The following SEC24B variants were observed in gnomAD, a reference collection of about 807,000 sequenced individuals.
SEC24B encodes SEC24 homolog B, COPII component.
Under a neutral mutation model 142.8 loss-of-function variants are expected in SEC24B, and 45 were observed. The observed-to-expected ratio is 0.32, with a 90% CI of 0.25 to 0.40. The LOEUF is 0.40. Ranked by LOEUF, SEC24B falls within the 10% of genes least tolerant of loss-of-function variation. SEC24B has a pLI of 1.00. For synonymous variants in SEC24B, 574 were observed against 568.2 expected, an observed-to-expected ratio of 1.01 and a Z score of -0.15; for missense variants, 1,409 against 1,526.8, an observed-to-expected ratio of 0.92 and a Z score of 1.29.
At chr4:109,488,825 G>T in intron 4 of SEC24B, 1 of 166,974 alleles carries the variant, frequency 6.0e-6, no homozygotes. Context: ...TTATCTCGTT[G>T]TTTTGATTTT....
intron 5 of SEC24B, among the ~76,000 whole-genome samples, chr4:109,493,191 T>C (rs896514233): frequency 1.3e-5 from 2 of 152,106 alleles, no homozygotes; most frequent in Non-Finnish European, 2.9e-5. Context: ...GCCAGTAAGC[T>C]GATCCTTGCC....
rs1724231017 is a variant in SEC24B at position 109,526,393 on chromosome 4, A to G, written c.2959A>G (p.Ser987Gly). 1 of 1,604,452 alleles carries G rather than the reference A, an allele frequency of 6.2e-7. No individual in the cohort carries two copies. Among genetic ancestry groups the G allele is most frequent in the South Asian group, 1.1e-5 (1 of 90,072 alleles). The change falls in exon 17 of 24, where the codon AGC becomes GGC. Residue 987 changes from serine (S) to glycine (G), a missense_variant. By Grantham distance (56) the Ser-to-Gly change is moderately conservative. Around this residue, in one of 2 missense-constraint regions of SEC24B, gnomAD observed 700 missense variants for 853.3 expected, o/e 0.82. Transcript: ENST00000265175. The part of the protein sequence containing the change: ...CFQTALLYTS[S>G]KGERRIRVHT... Reference sequence around the variant, plus strand: ...TCAAACAGCCCTATTATATACATCAAGCAAAGGTAATGTTAACAGAAATGA... The same window carrying G: ...TCAAACAGCCCTATTATATACATCAGGCAAAGGTAATGTTAACAGAAATGA...
At chr4:109,488,277 C>T (rs1021542711) in intron 4 of SEC24B, among the ~76,000 whole-genome samples, 14 of 152,114 alleles carry the variant, frequency 9.2e-5, no homozygotes, top group African/African-American at 3.1e-4. Flanking sequence ...CTACCCTCCC[C>T]GCACAACCAC....
chr4:109,464,540 A>G (rs917779425), intron 2 of SEC24B, among the ~76,000 whole-genome samples: 1 of 152,152 alleles, frequency 6.6e-6, no homozygotes, highest in Admixed American at 6.5e-5. Flanking sequence ...TTTTAAGTGC[A>G]GTGTTTCCTT....
intron 6 of SEC24B, among the ~76,000 whole-genome samples, chr4:109,503,771 A>G (rs1352959234): frequency 6.6e-6 from 1 of 151,808 alleles, no homozygotes; most frequent in African/African-American, 2.4e-5. Context: ...TTCTTTGATG[A>G]TTTTGGTTTT....
intron 1 of SEC24B, among the ~76,000 whole-genome samples, chr4:109,442,505 A>G (rs1729029135): frequency 6.6e-6 from 1 of 152,188 alleles, no homozygotes; most frequent in Non-Finnish European, 1.5e-5. Flanking sequence ...TTCTACCTCA[A>G]AGTTAGTATG....
chr4:109,480,701 G>C (rs964304950), intron 3 of SEC24B, among the ~76,000 whole-genome samples: 1 of 152,062 alleles, frequency 6.6e-6, no homozygotes, highest in Non-Finnish European at 1.5e-5. Flanking sequence ...GGATGGTCTC[G>C]ATCTCTTAAC....
chr4:109,459,233 C>T (rs1028287017), intron 1 of SEC24B, among the ~76,000 whole-genome samples: 1 of 152,078 alleles, frequency 6.6e-6, no homozygotes, highest in Admixed American at 6.6e-5. Context: ...ACACTGAGGG[C>T]AGAAAATTTA....
rs139064593 is a variant in SEC24B at position 109,494,741 on chromosome 4, C to T, written c.1373C>T (p.Pro458Leu). The T allele has an allele frequency of 6.2e-7, 1 of 1,614,212 alleles. No homozygotes were observed. Among genetic ancestry groups the T allele is most frequent in the Non-Finnish European group, 8.5e-7 (1 of 1,180,036 alleles). Residue 458 changes from proline (P) to leucine (L), a missense_variant, in exon 6 of 24, where the codon CCT becomes CTT. Around this residue, in one of 2 missense-constraint regions of SEC24B, gnomAD observed 709 missense variants for 673.5 expected, o/e 1.05. Transcript: ENST00000265175. ...VVPQPSKMAK[P>L]FGYGYPTLQP... ...CCTCAGCCTTCAAAAATGGCTAAGCCTTTTGGCTATGGCTATCCAACACTT... is the reference window on the plus strand; with the variant it reads ...CCTCAGCCTTCAAAAATGGCTAAGCTTTTTGGCTATGGCTATCCAACACTT...
intron 2 of SEC24B, among the ~76,000 whole-genome samples, chr4:109,470,903 T>C (rs1578828767): frequency 6.6e-6 from 1 of 152,160 alleles, no homozygotes; most frequent in African/African-American, 2.4e-5. Flanking sequence ...GAGATACTTA[T>C]ATGTGTGGTA....
intron 1 of SEC24B, among the ~76,000 whole-genome samples, chr4:109,440,210 A>G (rs1276875416): frequency 3.3e-5 from 5 of 151,620 alleles, no homozygotes; most frequent in Non-Finnish European, 5.9e-5. Context: ...ATTGCTATAT[A>G]TATTGCTTTA....
At chr4:109,450,998 T>C (rs930415324) in intron 1 of SEC24B, 2 of 152,266 alleles carry the variant, frequency 1.3e-5, no homozygotes, top group African/African-American at 4.8e-5. Flanking sequence ...CCAGAACTCA[T>C]GGGCTTAAGG....
Position 109,524,885 on chromosome 4 carries a change from A to C in SEC24B, c.2576A>C (p.Gln859Pro). ...KKLALDCSGQ[Q>P]TAVDLFLLSS... is the part of the protein sequence containing the mutation. ...CTTGCATTAGATTGCTCGGGACAGC[A>C]AACTGCAGTGGATTTGTTCCTTTTA... Residue 859 changes from glutamine to proline, a missense_variant, in exon 15 of 24, where the codon CAA (glutamine) becomes CCA (proline). Physicochemically the swap from Gln to Pro is moderately conservative, Grantham distance 76. Transcript: ENST00000265175. 6.2e-7 allele frequency: 1 copy of C among 1,612,750 alleles called. No homozygotes were observed.
At chr4:109,536,738 C>G (rs1300418317) in intron 22 of SEC24B, among the ~76,000 whole-genome samples, 1 of 151,990 alleles carries the variant, frequency 6.6e-6, no homozygotes, top group Non-Finnish European at 1.5e-5. Context: ...ACTGTGTTAG[C>G]TAGGATGGTC....
chr4:109,482,979 T>TATATAC lies in SEC24B; in HGVS notation c.1165+1199_1165+1200insTATACA, dbSNP rs781527364. 3.4e-3 allele frequency among the ~76,000 whole-genome samples: 90 copies of TATATAC among 26,370 alleles called. 2 individuals carry two copies. The highest frequency in any genetic ancestry group is 5.2e-3 in the Non-Finnish European group (69 of 13,288). The allele number at this position is 26,370 out of a possible 152,430, so 17.3% of individuals were successfully genotyped here. ...ATATATATATATATATATATATATA[T>TATATAC]ACACACACACACACACACACACACA... On this transcript the variant is annotated intron_variant, in intron 4 of 23. Coordinates refer to ENST00000265175, the MANE Select transcript of SEC24B (RefSeq NM_006323.5).
At chr4:109,520,521 G>A (rs757035319) in intron 12 of SEC24B, 37 bp downstream of exon 12, 19 of 1,257,702 alleles carry the variant, frequency 1.5e-5, no homozygotes, top group East Asian at 2.3e-5. Context: ...TTCTAACTAC[G>A]GACTTTGAAA....
At chr4:109,459,203 G>A (rs1037679476) in intron 1 of SEC24B, among the ~76,000 whole-genome samples, 2 of 152,094 alleles carry the variant, frequency 1.3e-5, no homozygotes, top group Non-Finnish European at 2.9e-5. Flanking sequence ...GCAGGTACAC[G>A]AGAAAAGAAT....
intron 10 of SEC24B, among the ~76,000 whole-genome samples, chr4:109,515,291 C>T (rs34861128): frequency 0.1 from 15,120 of 151,912 alleles, 840 homozygotes; most frequent in Middle Eastern, 0.18. Context: ...TAAGTAGAGA[C>T]GGGGTTTCAC....
intron 6 of SEC24B, among the ~76,000 whole-genome samples, chr4:109,500,499 G>A (rs561077943): frequency 2.2e-4 from 32 of 147,310 alleles, no homozygotes; most frequent in African/African-American, 8.0e-4. Context: ...AGCCAAAATT[G>A]CAGCAGTGCA....
Sources: allele counts gnomAD v4.1 joint callset (sites outside exome capture counted in the v4.1 genomes callset), GRCh38; gene constraint gnomAD v4.1.1; regional missense constraint gnomAD v4.1.1; transcripts MANE v1.5; gene names NCBI Gene and HGNC (gene_info 2026-07-23, HGNC 2026-07-21).